DPH6: variants seen among roughly 807,000 people sequenced by gnomAD.
The protein encoded by DPH6 is diphthamine biosynthesis 6, also known as diphthine--ammonia ligase.
Under a neutral mutation model 38.2 loss-of-function variants are expected in DPH6, and 33 were observed. The ratio of observed to expected loss-of-function variants is 0.86; its 90% CI spans 0.65 to 1.15. DPH6 has a LOEUF of 1.15. DPH6 is among the 50% of genes most tolerant of loss of function. The pLI is 0.00. For missense variants in DPH6, 325 were observed against 320.0 expected (o/e 1.02, Z -0.12); for synonymous variants, 108 against 103.0 (o/e 1.05, Z -0.30).
intron 3 of DPH6, among the ~76,000 whole-genome samples, chr15:35,253,650 C>G (rs2051689137): frequency 6.6e-6 from 1 of 152,220 alleles, no homozygotes; most frequent in Non-Finnish European, 1.5e-5. Context: ...TCTCCCATCA[C>G]TCTATGCCTT....
downstream of DPH6, among the ~76,000 whole-genome samples, chr15:35,367,695 A>G (rs1041728256): frequency 6.6e-6 from 1 of 151,818 alleles, no homozygotes; most frequent in African/African-American, 2.4e-5. Context: ...TAAAATTTTA[A>G]CTTAAAGGTA....
chr15:35,294,691 A>G (rs1214893793), intron 3 of DPH6, among the ~76,000 whole-genome samples: 1 of 152,216 alleles, frequency 6.6e-6, no homozygotes, highest in Non-Finnish European at 1.5e-5. Flanking sequence ...TCCCTTTTAC[A>G]CAGAGCCTAG....
At chr15:35,265,247 A>G (rs2051775980) in intron 3 of DPH6, among the ~76,000 whole-genome samples, 1 of 152,222 alleles carries the variant, frequency 6.6e-6, no homozygotes, top group Admixed American at 6.5e-5. Context: ...AAGGAAAAAA[A>G]AGGACAGTAT....
At chr15:35,474,232 T>G (rs1004185347) in intron 3 of DPH6, among the ~76,000 whole-genome samples, 1 of 152,076 alleles carries the variant, frequency 6.6e-6, no homozygotes, top group African/African-American at 2.4e-5. Flanking sequence ...ATTTTTCCCC[T>G]CTTTAAGAGA....
rs58430382 is a variant in DPH6 at position 35,287,117 on chromosome 15, G to A, written n.201-66535C>T. 1.5e-4 allele frequency among the ~76,000 whole-genome samples: 23 copies of A among 152,154 alleles called. No individual in the cohort carries two copies. In the East Asian group the frequency reaches 3.5e-3, roughly 23 times the overall value. On this transcript the variant is annotated intron_variant and non_coding_transcript_variant, in intron 3 of 3. Transcript: ENST00000560386. ...AGCATATCCACAATGCTGAAATTGG[G>A]CTGAAATGTTACAACTCAGTAAACA...
chr15:35,283,365 C>T (rs1407277735), intron 3 of DPH6, among the ~76,000 whole-genome samples: 4 of 151,746 alleles, frequency 2.6e-5, no homozygotes, highest in East Asian at 1.9e-4. Flanking sequence ...AGTGCAATTC[C>T]GGCTCACTGC....
the DPH6 span, among the ~76,000 whole-genome samples, chr15:35,199,779 T>C: frequency 2.0e-5 from 3 of 151,968 alleles, no homozygotes; most frequent in Non-Finnish European, 4.4e-5. Context: ...AGTACCTCTC[T>C]GAACAGAACA....
At chr15:35,538,609 T>C (rs573669564) in intron 2 of DPH6, 142 bp from the exon 3 acceptor site, 1 of 684,832 alleles carries the variant, frequency 1.5e-6, no homozygotes, top group Non-Finnish European at 2.2e-6. Flanking sequence ...ATTTATGTAG[T>C]AAAATAAAAA....
intron 3 of DPH6, among the ~76,000 whole-genome samples, chr15:35,528,504 C>A (rs1165460273): frequency 6.6e-6 from 1 of 152,152 alleles, no homozygotes; most frequent in African/African-American, 2.4e-5. Flanking sequence ...CAAGTCCAAT[C>A]AATCTCTCTA....
At chr15:35,234,002 G>A (rs1429367819) in intron 3 of DPH6, among the ~76,000 whole-genome samples, 2 of 152,108 alleles carry the variant, frequency 1.3e-5, no homozygotes, top group East Asian at 3.8e-4. Flanking sequence ...TTGTTTGCCT[G>A]TTTGTTATCG....
chr15:35,346,556 G>A (rs185558207), intron 3 of DPH6, among the ~76,000 whole-genome samples: 82 of 152,094 alleles, frequency 5.4e-4, no homozygotes, highest in African/African-American at 1.9e-3. Context: ...AGGAAGTTTA[G>A]GTATTTTCAG....
intron 3 of DPH6, among the ~76,000 whole-genome samples, chr15:35,482,861 G>T (rs2054344756): frequency 6.6e-6 from 1 of 151,878 alleles, no homozygotes; most frequent in African/African-American, 2.4e-5. Context: ...AAAATTTTGT[G>T]CTTTAAAAAA....
chr15:35,460,903 T>TTAAA (rs1555403686), intron 3 of DPH6, among the ~76,000 whole-genome samples: 1 of 114,774 alleles, frequency 8.7e-6, no homozygotes, highest in Non-Finnish European at 1.7e-5. Flanking sequence ...CACAAACTGG[T>TTAAA]AAAAAAAAAA....
intron 3 of DPH6, among the ~76,000 whole-genome samples, chr15:35,248,275 C>T (rs948731904): frequency 6.6e-6 from 1 of 152,204 alleles, no homozygotes; most frequent in Non-Finnish European, 1.5e-5. Flanking sequence ...AACCAGAACC[C>T]CTTTTCTCAA....
chr15:35,509,207 C>T (rs1566935289), intron 3 of DPH6, among the ~76,000 whole-genome samples: 1 of 152,184 alleles, frequency 6.6e-6, no homozygotes, highest in Non-Finnish European at 1.5e-5. Context: ...AATGAGTCCT[C>T]TATTTTCTTC....
At chr15:35,467,050 A>G (rs1256950171) in intron 3 of DPH6, among the ~76,000 whole-genome samples, 1 of 147,984 alleles carries the variant, frequency 6.8e-6, no homozygotes, top group African/African-American at 2.6e-5. Flanking sequence ...TAAATTTATA[A>G]AAAAAAAATC....
At chr15:35,235,535 T>G (rs1434921050) in intron 3 of DPH6, among the ~76,000 whole-genome samples, 1 of 152,202 alleles carries the variant, frequency 6.6e-6, no homozygotes, top group East Asian at 1.9e-4. Context: ...ATATTGTACT[T>G]TCAAAAAATG....
the DPH6 span, among the ~76,000 whole-genome samples, chr15:35,194,597 C>T: frequency 2.6e-5 from 4 of 152,202 alleles, no homozygotes; most frequent in Non-Finnish European, 1.5e-5. Context: ...ACACAATGCA[C>T]AGCATGTGCT....
the DPH6 span, among the ~76,000 whole-genome samples, chr15:35,157,119 T>C: frequency 2.0e-5 from 3 of 152,162 alleles, no homozygotes; most frequent in Non-Finnish European, 4.4e-5. Context: ...ATGCAGATTG[T>C]TAGGCCTTAA....
Sources: allele counts gnomAD v4.1 joint callset (sites outside exome capture counted in the v4.1 genomes callset), GRCh38; gene constraint gnomAD v4.1.1; transcripts MANE v1.5; gene names NCBI Gene and HGNC (gene_info 2026-07-23, HGNC 2026-07-21).